TRPC1: variants seen among roughly 807,000 people sequenced by gnomAD.
TRPC1 encodes short transient receptor potential channel 1.
A neutral mutation model predicts 88.2 loss-of-function variants in TRPC1; 42 were observed. The ratio of observed to expected loss-of-function variants is 0.48; its 90% CI spans 0.37 to 0.62. The LOEUF (loss-of-function observed/expected upper bound fraction) is 0.62, where lower values mean the gene tolerates loss of function less well. TRPC1 is among the 20% of genes least tolerant of loss of function. TRPC1 has a pLI of 0.00. For synonymous variants in TRPC1, 288 were observed against 331.8 expected, an observed-to-expected ratio of 0.87 and a Z score of 1.43; for missense variants, 699 against 957.3, an observed-to-expected ratio of 0.73 and a Z score of 3.56.
chr3:142,799,425 A>G (rs575648257), intron 9 of TRPC1, among the ~76,000 whole-genome samples: 23 of 152,308 alleles, frequency 1.5e-4, no homozygotes, highest in Non-Finnish European at 1.6e-4. Flanking sequence ...TGAATATTTC[A>G]TTAGTGTCTT....
At chr3:142,786,512 T>TTAA (rs1936137644) in intron 7 of TRPC1, among the ~76,000 whole-genome samples, 1 of 152,180 alleles carries the variant, frequency 6.6e-6, no homozygotes, top group Non-Finnish European at 1.5e-5. Context: ...TTAAAGAGAA[T>TTAA]TAAATAATTC....
intron 12 of TRPC1, among the ~76,000 whole-genome samples, chr3:142,805,635 A>G (rs1936771437): frequency 6.6e-6 from 1 of 152,152 alleles, no homozygotes; most frequent in Admixed American, 6.5e-5. Context: ...ACTTAACTAG[A>G]GTTTAAAATT....
intron 9 of TRPC1, 98 bp from the exon 10 acceptor site, chr3:142,802,071 T>C: frequency 1.3e-6 from 1 of 789,322 alleles, no homozygotes; most frequent in Non-Finnish European, 1.9e-6. Flanking sequence ...GCCTGTGGAT[T>C]ATGTGTTTGT....
At chr3:142,793,774 TTA>T in intron 9 of TRPC1, 1 of 829,484 alleles carries the variant, frequency 1.2e-6, no homozygotes, top group Non-Finnish European at 1.5e-6. Flanking sequence ...TACTAACAAT[TTA>T]GATTGTCTCA....
chr3:142,780,672 C>T (rs1409004948), intron 5 of TRPC1, among the ~76,000 whole-genome samples, 162 bp from the exon 6 acceptor site: 1 of 152,134 alleles, frequency 6.6e-6, no homozygotes, highest in Non-Finnish European at 1.5e-5. Context: ...GTGGAAAATT[C>T]GTGCATCACT....
In TRPC1 at chr3:142,767,858, T is replaced by G. The variant is rs1181195030; in HGVS notation, c.633-9774T>G. ...AGATATATGTCTGTTCAAATTGTTT[T>G]CTTAGTTTTTAATTGGTTATCTGAT... On this transcript the variant is annotated intron_variant, in intron 4 of 12. Coordinates refer to ENST00000476941, the MANE Select transcript of TRPC1 (RefSeq NM_001251845.2). This position sits in a 1 kb window ranked among gnomAD's most constrained non-coding sequence, Gnocchi z 5.1. 1.3e-5 allele frequency among the ~76,000 whole-genome samples: 2 copies of G among 151,860 alleles called. No homozygotes were observed. Among genetic ancestry groups the G allele is most frequent in the Non-Finnish European group, 2.9e-5 (2 of 67,918 alleles).
intron 10 of TRPC1, 126 bp from the exon 11 acceptor site, chr3:142,803,850 AT>A: frequency 1.0e-6 from 1 of 960,708 alleles, no homozygotes; most frequent in Non-Finnish European, 1.5e-6. Context: ...AGTCAACATC[AT>A]TTTTAAATAA....
chr3:142,806,410 GTT>G lies in TRPC1; in HGVS notation c.*180_*181del. 1.9e-6 allele frequency: 1 copy of G among 532,006 alleles called. No individual in the cohort carries two copies. The allele number at this position is 532,006 out of a possible 1,614,324, so 33.0% of individuals were successfully genotyped here. Reference sequence around the variant, plus strand: ...TATGTAAAGTGTGTATATAGAATTAGTTTTTTAAACCTTCTGTTAGTGGCTTT... The same window carrying G: ...TATGTAAAGTGTGTATATAGAATTAGTTTTAAACCTTCTGTTAGTGGCTTT... On this transcript the variant is annotated 3_prime_UTR_variant, in exon 13 of 13. Transcript: ENST00000476941.
At chr3:142,790,536 AGAT>A (rs1936262253) in intron 7 of TRPC1, among the ~76,000 whole-genome samples, 2 of 152,200 alleles carry the variant, frequency 1.3e-5, no homozygotes, top group African/African-American at 4.8e-5. Flanking sequence ...TTTGCCATGT[AGAT>A]GATATTTAAA....
chr3:142,733,449 T>A lies in TRPC1; in HGVS notation c.173-2930T>A, dbSNP rs538303807. The stretch of plus-strand genomic sequence containing the variant: ...ATCGCTTGAACCCAGGAGGCAGAGG[T>A]TGCAGTGAGCCAAATGGTGCCATTG... On this transcript the variant is annotated intron_variant, in intron 1 of 12. Transcript: ENST00000476941. Among the ~76,000 whole-genome samples the A allele has an allele frequency of 9.2e-5, 14 of 152,202 alleles. No individual in the cohort carries two copies. The East Asian group carries it at 2.5e-3, about 27-fold the overall frequency.
intron 10 of TRPC1, among the ~76,000 whole-genome samples, chr3:142,802,990 C>T (rs1936670362): frequency 6.6e-6 from 1 of 152,140 alleles, no homozygotes; most frequent in African/African-American, 2.4e-5. Context: ...TGTCAGTGTA[C>T]CACTTACTAT....
chr3:142,797,179 T>G (rs1228950213), intron 9 of TRPC1, among the ~76,000 whole-genome samples: 1 of 151,978 alleles, frequency 6.6e-6, no homozygotes, highest in East Asian at 1.9e-4. Flanking sequence ...AAGGTTGTTT[T>G]TTTTTTTTTT....
At chr3:142,730,468 A>T (rs1431754548) in intron 1 of TRPC1, among the ~76,000 whole-genome samples, 1 of 152,188 alleles carries the variant, frequency 6.6e-6, no homozygotes, top group South Asian at 2.1e-4. Flanking sequence ...TTAGCCTACC[A>T]TGTTTTTTAG....
intron 7 of TRPC1, among the ~76,000 whole-genome samples, chr3:142,790,354 A>C (rs1182484815): frequency 6.6e-6 from 1 of 152,188 alleles, no homozygotes; most frequent in African/African-American, 2.4e-5. Context: ...GATTCTGAGT[A>C]AAATGGGATT....
At chr3:142,755,907 G>T (rs945502980) in intron 4 of TRPC1, among the ~76,000 whole-genome samples, 1 of 152,036 alleles carries the variant, frequency 6.6e-6, no homozygotes, top group Non-Finnish European at 1.5e-5. Context: ...TTCATTCATG[G>T]TCAATCCTTG....
At chr3:142,750,762 G>A (rs1934733680) in intron 4 of TRPC1, among the ~76,000 whole-genome samples, 1 of 152,166 alleles carries the variant, frequency 6.6e-6, no homozygotes, top group Non-Finnish European at 1.5e-5. Context: ...CATGTCCTTT[G>A]CAGGGACATG....
chr3:142,760,555 C>A (rs1475432796), intron 4 of TRPC1, among the ~76,000 whole-genome samples: 1 of 152,032 alleles, frequency 6.6e-6, no homozygotes, highest in African/African-American at 2.4e-5. Context: ...GATTACTTTG[C>A]TATTTGGAGT....
chr3:142,777,910 C>A, intron 5 of TRPC1, 147 bp downstream of exon 5: 1 of 832,280 alleles, frequency 1.2e-6, no homozygotes, highest in Non-Finnish European at 1.8e-6. Flanking sequence ...CAGACCCCTG[C>A]TCTCCCTCAA....
chr3:142,776,841 T>C lies in TRPC1; in HGVS notation c.633-791T>C, dbSNP rs1023282541. On this transcript the variant is annotated intron_variant, in intron 4 of 12. Coordinates refer to ENST00000476941, the MANE Select transcript of TRPC1 (RefSeq NM_001251845.2). This position sits in a 1 kb window ranked among gnomAD's most constrained non-coding sequence, Gnocchi z 4.1. Reference sequence around the variant, plus strand: ...TCACTTGAACCAGGGAGTCGGAGGTTGCGGTGAGCCGAGATCGTGCCATTG... The same window carrying C: ...TCACTTGAACCAGGGAGTCGGAGGTCGCGGTGAGCCGAGATCGTGCCATTG... Among the ~76,000 whole-genome samples the C allele has an allele frequency of 1.3e-5, 2 of 151,160 alleles. No homozygotes were observed. The highest frequency in any genetic ancestry group is 4.9e-5 in the African/African-American group (2 of 41,054).
Sources: gnomAD v4.1 joint callset for allele counts (sites outside exome capture counted in the v4.1 genomes callset) on GRCh38, gnomAD v4.1.1 for gene constraint, Gnocchi (gnomAD v3.1) non-coding constraint, MANE v1.5 for transcripts, NCBI Gene and HGNC (gene_info 2026-07-23, HGNC 2026-07-21) for gene names.